VSTM2A: variants seen among roughly 807,000 people sequenced by gnomAD.
VSTM2A encodes the protein V-set and transmembrane domain containing 2A, also known as V-set and transmembrane domain-containing protein 2A.
VSTM2A carries 13 observed loss-of-function variants against 27.3 expected under a neutral mutation model. That is an observed-to-expected ratio of 0.48 (90% CI 0.31 to 0.76). The LOEUF (loss-of-function observed/expected upper bound fraction) is 0.76, where lower values mean the gene tolerates loss of function less well. Ranked by LOEUF, VSTM2A falls within the 30% of genes least tolerant of loss-of-function variation. VSTM2A has a pLI of 0.05. For synonymous variants in VSTM2A, 142 were observed against 125.7 expected, an observed-to-expected ratio of 1.13 and a Z score of -0.87; for missense variants, 280 against 310.0, an observed-to-expected ratio of 0.90 and a Z score of 0.73.
intron 3 of VSTM2A, among the ~76,000 whole-genome samples, chr7:54,548,794 A>G (rs1441643213): frequency 6.6e-6 from 1 of 152,066 alleles, no homozygotes; most frequent in Non-Finnish European, 1.5e-5. Flanking sequence ...AAAGCAGATG[A>G]GTGCTTCTCA....
intron 3 of VSTM2A, among the ~76,000 whole-genome samples, chr7:54,548,408 A>G (rs903033741): frequency 4.0e-5 from 6 of 151,836 alleles, no homozygotes; most frequent in African/African-American, 1.5e-4. Flanking sequence ...ACTAGTTATT[A>G]ACTTTGAATT....
intron 4 of VSTM2A, chr7:54,557,296 G>C (rs78182551): frequency 0.012 from 1,872 of 151,152 alleles, 23 homozygotes; most frequent in Non-Finnish European, 0.018. Context: ...TCACAGCACA[G>C]TATGTCTGTT....
In VSTM2A at chr7:54,546,953, C is replaced by T; in HGVS notation, c.253C>T (p.Leu85Phe). The change falls in exon 3 of 5, where the codon CTC (leucine) becomes TTC (phenylalanine). Residue 85 changes from leucine to phenylalanine, a missense_variant. Leu to Phe is a conservative substitution (Grantham distance 22, BLOSUM62 0). Transcript: ENST00000402613. ...GTTCGCTCCTTGCCCGCAGGTGGAG[C>T]TCTTGCCCGACAGAGACCCGGACAG... Reference protein sequence around the residue: ...GAEGAGAQVELLPDRDPDSDG... With the variant: ...GAEGAGAQVEFLPDRDPDSDG... 6.3e-7 allele frequency: 1 copy of T among 1,597,536 alleles called. No individual in the cohort carries two copies. The highest frequency in any genetic ancestry group is 1.4e-5 in the African/African-American group (1 of 72,832).
chr7:54,565,849 A>G (rs1788704360), intron 4 of VSTM2A, among the ~76,000 whole-genome samples: 1 of 152,222 alleles, frequency 6.6e-6, no homozygotes, highest in Non-Finnish European at 1.5e-5. Flanking sequence ...GGGTTTTTCC[A>G]TATTTCTCCT....
At chr7:54,553,326 C>T (rs1051739325) in intron 4 of VSTM2A, among the ~76,000 whole-genome samples, 2 of 152,128 alleles carry the variant, frequency 1.3e-5, no homozygotes, top group African/African-American at 2.4e-5. Context: ...TGAAGCAAAA[C>T]GGTTAGGCAA....
At chr7:54,559,131 A>G (rs1216926879) in intron 4 of VSTM2A, 1 of 152,128 alleles carries the variant, frequency 6.6e-6, no homozygotes, top group Non-Finnish European at 1.5e-5. Flanking sequence ...AGATAAAAGT[A>G]TAAACTTAGG....
intron 4 of VSTM2A, among the ~76,000 whole-genome samples, chr7:54,557,461 G>A (rs562502308): frequency 6.6e-6 from 1 of 152,026 alleles, no homozygotes; most frequent in Admixed American, 6.5e-5. Context: ...AGCCTCCTGA[G>A]TAGCTTGGAT....
intron 4 of VSTM2A, chr7:54,554,191 C>G: frequency 6.9e-7 from 1 of 1,449,290 alleles, no homozygotes; most frequent in East Asian, 2.5e-5. Flanking sequence ...CAGCCTTTCT[C>G]CCTCGATCAC....
At chr7:54,548,261 C>G (rs975467862) in intron 3 of VSTM2A, among the ~76,000 whole-genome samples, 1 of 152,148 alleles carries the variant, frequency 6.6e-6, no homozygotes, top group Non-Finnish European at 1.5e-5. Context: ...ATTACACACA[C>G]AACTGTTGAT....
chr7:54,547,527 T>A (rs1562706010), intron 3 of VSTM2A, among the ~76,000 whole-genome samples: 1 of 152,156 alleles, frequency 6.6e-6, no homozygotes. Flanking sequence ...GTAAAACCAT[T>A]ATTATAGGAG....
chr7:54,548,914 C>A (rs1355223655), intron 3 of VSTM2A, among the ~76,000 whole-genome samples: 1 of 151,596 alleles, frequency 6.6e-6, no homozygotes, highest in African/African-American at 2.4e-5. Flanking sequence ...GAACCAAATT[C>A]TTGAATCCCA....
chr7:54,559,632 A>G (rs541189330), intron 4 of VSTM2A: 1 of 152,268 alleles, frequency 6.6e-6, no homozygotes, highest in South Asian at 2.1e-4. Flanking sequence ...TGTCCCTGAA[A>G]TCATACTTCT....
chr7:54,560,486 A>G lies in VSTM2A; in HGVS notation c.635-8645A>G, dbSNP rs547221321. 1.2e-4 allele frequency among the ~76,000 whole-genome samples: 18 copies of G among 152,210 alleles called. No individual in the cohort carries two copies. In the East Asian group the frequency reaches 3.5e-3, roughly 29 times the overall value. On this transcript the variant is annotated intron_variant, in intron 4 of 4. Coordinates refer to ENST00000402613, the MANE Select transcript of VSTM2A (RefSeq NM_001301009.2). ...TCCTGTCAATGAGATGACTCACACA[A>G]CCCCCAATTCCAAGGGAGATGAAAG...
Position 54,544,603 on chromosome 7 carries a change from A to AC in VSTM2A, c.80-19_80-18insC, listed in dbSNP as rs1562703308. The stretch of plus-strand genomic sequence containing the variant: ...AGAGGGGTGTGGATATTCCAACAGG[A>AC]TGCCTTTCTGTTTTGCAGCAAAATT... On this transcript the variant is annotated intron_variant, in intron 1 of 4. Transcript: ENST00000402613. 2.5e-6 allele frequency: 4 copies of AC among 1,612,764 alleles called. No homozygotes were observed. In the East Asian group the frequency reaches 8.9e-5, roughly 36 times the overall value.
intron 4 of VSTM2A, among the ~76,000 whole-genome samples, chr7:54,564,285 G>A (rs1485003974): frequency 1.3e-5 from 2 of 152,172 alleles, no homozygotes; most frequent in Non-Finnish European, 2.9e-5. Context: ...CAGCCACAGT[G>A]GGGTGACGAG....
At position 54,569,178 on chromosome 7, in the gene VSTM2A, A is replaced by G; in HGVS notation, c.682A>G (p.Thr228Ala). Residue 228 changes from threonine to alanine, a missense_variant, in exon 5 of 5, where the codon ACC (threonine) becomes GCC (alanine). Coordinates refer to ENST00000402613, the MANE Select transcript of VSTM2A (RefSeq NM_001301009.2). Reference protein sequence around the residue: ...VKSTERTAKLTLNSKHHPAPT... With the variant: ...VKSTERTAKLALNSKHHPAPT... ...ATCTACGGAGCGGACAGCAAAGTTG[A>G]CCCTAAACTCCAAGCACCACCCTGC... 1 of 1,551,882 alleles carries G rather than the reference A, an allele frequency of 6.4e-7. No individual in the cohort carries two copies. Among genetic ancestry groups the G allele is most frequent in the East Asian group, 2.4e-5 (1 of 40,946 alleles).
At chr7:54,546,819 C>A in intron 2 of VSTM2A, 128 bp from the exon 3 acceptor site, 1 of 1,289,444 alleles carries the variant, frequency 7.8e-7, no homozygotes, top group Non-Finnish European at 1.1e-6. Flanking sequence ...GTGGCCACGC[C>A]CCTGGTCGCT....
chr7:54,557,320 CTT>C (rs10543201), intron 4 of VSTM2A: 14,927 of 134,918 alleles, frequency 0.11, 866 homozygotes, highest in Non-Finnish European at 0.15. Context: ...TCATTTCTTT[CTT>C]TTTTTTTTTT....
chr7:54,561,321 C>A (rs1049930360), intron 4 of VSTM2A, among the ~76,000 whole-genome samples: 1 of 152,124 alleles, frequency 6.6e-6, no homozygotes, highest in Non-Finnish European at 1.5e-5. Flanking sequence ...GTGCAAAACA[C>A]TTCTGAGGAT....
Sources: gnomAD v4.1 joint callset for allele counts (sites outside exome capture counted in the v4.1 genomes callset) on GRCh38, gnomAD v4.1.1 for gene constraint, MANE v1.5 for transcripts, NCBI Gene and HGNC (gene_info 2026-07-23, HGNC 2026-07-21) for gene names.